Variants in DPP6 observed in about 807,000 individuals in gnomAD.
The protein encoded by DPP6 is A-type potassium channel modulatory protein DPP6.
A neutral mutation model predicts 122.6 loss-of-function variants in DPP6; 69 were observed. That is an observed-to-expected ratio of 0.56 (90% CI 0.46 to 0.69). DPP6 has a LOEUF of 0.69. Ranked by LOEUF, DPP6 falls within the 30% of genes least tolerant of loss-of-function variation. The probability of loss-of-function intolerance (pLI) is 0.00; values close to 1 mark genes in which losing one functional copy is unlikely to be tolerated. For missense variants in DPP6, 928 were observed against 1,116.9 expected (o/e 0.83, Z 2.41); for synonymous variants, 418 against 433.1 (o/e 0.97, Z 0.43).
intron 1 of DPP6, among the ~76,000 whole-genome samples, chr7:154,414,809 G>A (rs1302424694): frequency 3.9e-5 from 6 of 152,166 alleles, no homozygotes; most frequent in Admixed American, 6.5e-5. Context: ...ACAGGTTGCC[G>A]AAGGGTGCTC....
chr7:153,932,202 C>A (rs1483014737), intron 1 of DPP6, among the ~76,000 whole-genome samples: 1 of 151,480 alleles, frequency 6.6e-6, no homozygotes, highest in Non-Finnish European at 1.5e-5. Context: ...CTCACCACAA[C>A]CTCCACCTCC....
intron 1 of DPP6, among the ~76,000 whole-genome samples, chr7:154,087,738 T>G (rs3969617): frequency 0.015 from 2,287 of 152,308 alleles, 66 homozygotes; most frequent in African/African-American, 0.049. Flanking sequence ...TTAAATTTTA[T>G]AGCCCAGTGG....
chr7:154,473,846 G>A (rs963980595), intron 2 of DPP6, among the ~76,000 whole-genome samples: 12 of 152,182 alleles, frequency 7.9e-5, no homozygotes, highest in Non-Finnish European at 1.5e-4. Flanking sequence ...GCCACTGAAT[G>A]TGGAATGCAC....
intron 1 of DPP6, among the ~76,000 whole-genome samples, chr7:154,139,002 T>C (rs555737016): frequency 1.3e-5 from 2 of 152,202 alleles, no homozygotes; most frequent in Admixed American, 1.3e-4. Flanking sequence ...TGCGGCTCTC[T>C]TCTCTAAGAG....
intron 5 of DPP6, among the ~76,000 whole-genome samples, chr7:154,568,925 A>G (rs1396644844): frequency 2.6e-5 from 4 of 152,232 alleles, no homozygotes; most frequent in African/African-American, 7.2e-5. Flanking sequence ...AGCACTGAGC[A>G]GTTACTGTAT....
upstream of DPP6, among the ~76,000 whole-genome samples, chr7:153,884,058 C>T (rs924516434): frequency 4.6e-5 from 7 of 152,182 alleles, no homozygotes; most frequent in African/African-American, 1.4e-4. Context: ...ATGTGCACAA[C>T]GTGCAGGTTT....
At chr7:154,202,305 T>C (rs908080908) in intron 1 of DPP6, among the ~76,000 whole-genome samples, 3 of 152,098 alleles carry the variant, frequency 2.0e-5, no homozygotes, top group Non-Finnish European at 4.4e-5. Flanking sequence ...AATAGATCCA[T>C]TGGAGGAGTA....
intron 16 of DPP6, among the ~76,000 whole-genome samples, chr7:154,816,389 TTTATAA>T (rs1443898877): frequency 6.6e-6 from 1 of 152,234 alleles, no homozygotes; most frequent in African/African-American, 2.4e-5. Context: ...TAAATGAAAC[TTTATAA>T]TTAGGTATGT....
At chr7:154,600,960 A>G (rs1240734778) in intron 5 of DPP6, among the ~76,000 whole-genome samples, 5 of 118,980 alleles carry the variant, frequency 4.2e-5, no homozygotes, top group African/African-American at 1.3e-4. Context: ...GCGTGGTGGT[A>G]CATGCCTGTA....
intron 1 of DPP6, among the ~76,000 whole-genome samples, chr7:153,967,018 G>C (rs865842702): frequency 2.0e-5 from 3 of 150,340 alleles, no homozygotes; most frequent in Admixed American, 1.3e-4. Context: ...AGTGTGCCCT[G>C]ATGGTGCCAC....
chr7:154,253,683 T>A (rs1255550230), intron 1 of DPP6, among the ~76,000 whole-genome samples: 3 of 152,236 alleles, frequency 2.0e-5, no homozygotes, highest in Non-Finnish European at 2.9e-5. Flanking sequence ...ATGATGATAA[T>A]GATAATGTGC....
chr7:154,589,564 G>T (rs1174041070), intron 5 of DPP6, among the ~76,000 whole-genome samples: 1 of 152,230 alleles, frequency 6.6e-6, no homozygotes, highest in Admixed American at 6.5e-5. Flanking sequence ...GGCCAAGATG[G>T]TGGCATTACC....
At position 154,176,667 on chromosome 7, in the gene DPP6, C is replaced by T. The variant is rs190789439; in HGVS notation, c.243+123604C>T. 2.0e-5 allele frequency among the ~76,000 whole-genome samples: 3 copies of T among 152,132 alleles called. No individual in the cohort carries two copies. The East Asian group carries it at 5.8e-4, about 29-fold the overall frequency. ...AAATCTCAAGCCTTTGTCCTGGACT[C>T]TCCAATGCGCTGGGTCTCTGATCAA... On this transcript the variant is annotated intron_variant, in intron 1 of 25. Coordinates refer to ENST00000377770, the MANE Select transcript of DPP6 (RefSeq NM_130797.4).
At chr7:154,753,269 A>T (rs1232117190) in intron 8 of DPP6, among the ~76,000 whole-genome samples, 1 of 152,136 alleles carries the variant, frequency 6.6e-6, no homozygotes, top group African/African-American at 2.4e-5. Flanking sequence ...ACGTGCTATT[A>T]TACGCTGGGG....
chr7:154,095,537 AT>A (rs1319608224), intron 1 of DPP6: 3 of 140,036 alleles, frequency 2.1e-5, no homozygotes, highest in Non-Finnish European at 4.7e-5. Context: ...ACCAGTCCTA[AT>A]TGAGTAATAG....
the DPP6 span, among the ~76,000 whole-genome samples, chr7:153,779,269 C>T: frequency 1.0e-4 from 15 of 147,212 alleles, no homozygotes; most frequent in Non-Finnish European, 1.9e-4. Flanking sequence ...CTTGTGGTGT[C>T]AGATAATCAG....
At chr7:153,860,942 T>C in the DPP6 span, among the ~76,000 whole-genome samples, 527 of 152,338 alleles carry the variant, frequency 3.5e-3, 2 homozygotes, top group African/African-American at 0.012. Flanking sequence ...AATATGTTAA[T>C]TTTTAAAAGC....
intron 3 of DPP6, among the ~76,000 whole-genome samples, chr7:154,520,928 T>C (rs1826923013): frequency 6.6e-6 from 1 of 152,174 alleles, no homozygotes; most frequent in Admixed American, 6.5e-5. Context: ...TACCGGACAA[T>C]GCCTCGTATT....
intron 10 of DPP6, among the ~76,000 whole-genome samples, chr7:154,787,722 T>C (rs369622728): frequency 2.6e-5 from 4 of 152,332 alleles, no homozygotes; most frequent in South Asian, 2.1e-4. Context: ...CTAAAAAATG[T>C]ACAAATGAAT....
Sources: allele counts gnomAD v4.1 joint callset (sites outside exome capture counted in the v4.1 genomes callset), GRCh38; gene constraint gnomAD v4.1.1; transcripts MANE v1.5; gene names NCBI Gene and HGNC (gene_info 2026-07-23, HGNC 2026-07-21).